MGAT5: variants seen among roughly 807,000 people sequenced by gnomAD.
MGAT5 encodes the protein alpha-1,6-mannosylglycoprotein 6-beta-N-acetylglucosaminyltransferase A.
In MGAT5, 30 loss-of-function variants were observed where a neutral mutation model predicts 94.3. The observed-to-expected ratio is 0.32, with a 90% confidence interval of 0.24 to 0.43. The LOEUF (loss-of-function observed/expected upper bound fraction) is 0.43, where lower values mean the gene tolerates loss of function less well. MGAT5 is among the 20% of genes least tolerant of loss of function. The probability of loss-of-function intolerance (pLI) is 1.00; values close to 1 mark genes in which losing one functional copy is unlikely to be tolerated. For synonymous variants in MGAT5, 310 were observed against 322.9 expected (o/e 0.96, Z 0.43); for missense variants, 691 against 905.5 (o/e 0.76, Z 3.04).
Position 134,172,348 on chromosome 2 carries a change from T to A in MGAT5, c.-143+52057T>A, listed in dbSNP as rs138087110. 6.2e-3 allele frequency among the ~76,000 whole-genome samples: 937 copies of A among 152,186 alleles called. 7 individuals carry two copies. The highest frequency in any genetic ancestry group is 8.8e-3 in the Admixed American group (134 of 15,284). ...TTAAGTCCTCAATTCTGAGCATATT[T>A]TATGGAGGAAGGAATTTCCTAAGTA... On this transcript the variant is annotated intron_variant, in intron 1 of 16. Coordinates refer to the MGAT5 transcript ENST00000409645.
At chr2:134,379,914 T>G (rs1293445321) in intron 10 of MGAT5, among the ~76,000 whole-genome samples, 1 of 152,254 alleles carries the variant, frequency 6.6e-6, no homozygotes, top group Non-Finnish European at 1.5e-5. Context: ...GCACTTGTTC[T>G]GATTCTGTCA....
chr2:134,182,854 T>C (rs913840947), intron 1 of MGAT5, among the ~76,000 whole-genome samples: 10 of 143,876 alleles, frequency 7.0e-5, no homozygotes, highest in African/African-American at 2.6e-4. Context: ...TGGCCTGATC[T>C]CAGCTCACTG....
intron 9 of MGAT5, among the ~76,000 whole-genome samples, chr2:134,357,877 G>GAAAAAAAAA (rs33942316): frequency 6.8e-6 from 1 of 147,660 alleles, no homozygotes. Context: ...CCACCATTTG[G>GAAAAAAAAA]AAAAAAAAAA....
intron 10 of MGAT5, among the ~76,000 whole-genome samples, chr2:134,363,016 T>C (rs1354912601): frequency 6.6e-6 from 1 of 152,250 alleles, no homozygotes; most frequent in Non-Finnish European, 1.5e-5. Flanking sequence ...ATTTCCTGAG[T>C]ACATTTGGGG....
chr2:134,169,681 C>G (rs767326541), intron 1 of MGAT5, among the ~76,000 whole-genome samples: 2 of 152,090 alleles, frequency 1.3e-5, no homozygotes, highest in African/African-American at 2.4e-5. Flanking sequence ...TCTATAGACA[C>G]AGCTTGAAAT....
At chr2:134,175,629 G>C (rs1218009079) in intron 1 of MGAT5, among the ~76,000 whole-genome samples, 1 of 152,208 alleles carries the variant, frequency 6.6e-6, no homozygotes, top group African/African-American at 2.4e-5. Flanking sequence ...GGACTCCCCT[G>C]TGATGGGGTA....
intron 14 of MGAT5, among the ~76,000 whole-genome samples, chr2:134,435,743 C>T (rs1685133329): frequency 6.6e-6 from 1 of 152,208 alleles, no homozygotes; most frequent in Non-Finnish European, 1.5e-5. Flanking sequence ...GCAGTCTGAG[C>T]TCTGAGCCCT....
At chr2:134,151,052 G>T (rs1465858228) in intron 1 of MGAT5, among the ~76,000 whole-genome samples, 6 of 152,098 alleles carry the variant, frequency 3.9e-5, no homozygotes, top group Non-Finnish European at 7.4e-5. Flanking sequence ...CTCAGTCCCA[G>T]GTTTGGAAAG....
intron 9 of MGAT5, among the ~76,000 whole-genome samples, chr2:134,354,950 C>G (rs571400108): frequency 6.6e-6 from 1 of 152,148 alleles, no homozygotes; most frequent in Non-Finnish European, 1.5e-5. Flanking sequence ...CAGGCTGTTT[C>G]TCCTCAGAGA....
intron 1 of MGAT5, among the ~76,000 whole-genome samples, chr2:134,247,087 A>G (rs1682314036): frequency 6.6e-6 from 1 of 152,202 alleles, no homozygotes; most frequent in South Asian, 2.1e-4. Context: ...TCATCCAATT[A>G]TGAATGGGAG....
At chr2:134,144,053 G>C (rs1686790793) in intron 1 of MGAT5, among the ~76,000 whole-genome samples, 1 of 152,162 alleles carries the variant, frequency 6.6e-6, no homozygotes. Flanking sequence ...AGCCTTGGGA[G>C]TAGAGGCCAG....
At chr2:134,387,768 C>T (rs1040752767) in intron 10 of MGAT5, among the ~76,000 whole-genome samples, 10 of 152,032 alleles carry the variant, frequency 6.6e-5, no homozygotes, top group African/African-American at 1.5e-4. Context: ...AAAAAAGACA[C>T]GAATATTGGG....
chr2:134,404,380 T>C (rs1683224623), intron 11 of MGAT5, among the ~76,000 whole-genome samples: 3 of 152,246 alleles, frequency 2.0e-5, no homozygotes, highest in Admixed American at 2.0e-4. Flanking sequence ...CTATCCTCTT[T>C]GATTCTCACA....
Position 134,336,284 on chromosome 2 carries a change from C to T in MGAT5, c.641C>T (p.Ser214Leu), listed in dbSNP as rs145273807. The change falls in exon 5 of 16, where the codon TCA (serine) becomes TTA (leucine). Residue 214 changes from serine (S) to leucine (L), a missense_variant. By Grantham distance (145) the Ser-to-Leu change is moderately radical. Coordinates refer to ENST00000281923, the MANE Select transcript of MGAT5 (RefSeq NM_002410.5). Reference sequence around the variant, plus strand: ...CCCTACGAAGAAGCTGATCATAATTCATTGGTAAGTGATTTTGGAAAACTC... The same window carrying T: ...CCCTACGAAGAAGCTGATCATAATTTATTGGTAAGTGATTTTGGAAAACTC... ...KNPYEEADHN[S>L]LAEIRTDFNI... 2.5e-6 allele frequency: 4 copies of T among 1,611,956 alleles called. No individual in the cohort carries two copies. In the African/African-American group the frequency reaches 5.3e-5, roughly 22 times the overall value.
chr2:134,386,586 G>T (rs1681995407), intron 10 of MGAT5, among the ~76,000 whole-genome samples: 2 of 152,194 alleles, frequency 1.3e-5, no homozygotes, highest in Admixed American at 1.3e-4. Flanking sequence ...GGCTGCTGAA[G>T]CTCTAGCCAT....
chr2:134,246,908 A>G (rs1359824671), intron 1 of MGAT5, among the ~76,000 whole-genome samples: 1 of 152,268 alleles, frequency 6.6e-6, no homozygotes, highest in Non-Finnish European at 1.5e-5. Flanking sequence ...TATTTTATAC[A>G]TTTTAATTTA....
chr2:134,167,629 G>C (rs374544432), intron 1 of MGAT5, among the ~76,000 whole-genome samples: 1 of 152,180 alleles, frequency 6.6e-6, no homozygotes, highest in African/African-American at 2.4e-5. Context: ...AGAATTTTAA[G>C]ATTAATACCC....
Position 134,449,246 on chromosome 2 carries a change from G to A in MGAT5, c.*399G>A, listed in dbSNP as rs1310270184. The A allele has an allele frequency of 1.0e-5, 2 of 192,570 alleles. 1 individual carries two copies. Among genetic ancestry groups the A allele is most frequent in the Admixed American group, 1.1e-4 (2 of 18,422 alleles). The allele number at this position is 192,570 out of a possible 1,614,324, so 11.9% of individuals were successfully genotyped here. On this transcript the variant is annotated 3_prime_UTR_variant, in exon 16 of 16. Coordinates refer to ENST00000281923, the MANE Select transcript of MGAT5 (RefSeq NM_002410.5). The stretch of plus-strand genomic sequence containing the variant: ...CTAAACCCATTAACTTATTTATTCG[G>A]GTGGGAGGGAGGGGACCGCGGGAGG...
chr2:134,411,093 C>G, intron 11 of MGAT5, among the ~76,000 whole-genome samples: 1 of 152,214 alleles, frequency 6.6e-6, no homozygotes, highest in East Asian at 1.9e-4. Flanking sequence ...TACATTCCCA[C>G]TGTTTCCTTC....
Sources: gnomAD v4.1 joint callset for allele counts (sites outside exome capture counted in the v4.1 genomes callset) on GRCh38, gnomAD v4.1.1 for gene constraint, MANE v1.5 for transcripts, NCBI Gene and HGNC (gene_info 2026-07-23, HGNC 2026-07-21) for gene names.